CDC42SE2: variants seen among roughly 807,000 people sequenced by gnomAD.
CDC42SE2 encodes CDC42 small effector 2.
In CDC42SE2, 3 loss-of-function variants were observed where a neutral mutation model predicts 11.5. The observed-to-expected ratio is 0.26, with a 90% CI of 0.12 to 0.67. The LOEUF is 0.67. Ranked by LOEUF, CDC42SE2 falls within the 30% of genes least tolerant of loss-of-function variation. The pLI is 0.80. For missense variants in CDC42SE2, 82 were observed against 106.8 expected, an observed-to-expected ratio of 0.77 and a Z score of 1.02; for synonymous variants, 33 against 34.8, an observed-to-expected ratio of 0.95 and a Z score of 0.18.
At chr5:131,311,044 C>G (rs2149724354) in intron 1 of CDC42SE2, among the ~76,000 whole-genome samples, 1 of 151,052 alleles carries the variant, frequency 6.6e-6, no homozygotes, top group Admixed American at 6.6e-5. Flanking sequence ...TCTGGATGGT[C>G]TTTACATTTT....
intron 1 of CDC42SE2, among the ~76,000 whole-genome samples, chr5:131,307,551 G>A (rs1321792181): frequency 6.6e-6 from 1 of 152,138 alleles, no homozygotes; most frequent in East Asian, 1.9e-4. Context: ...CTTTATAGCA[G>A]CATGATTTAT....
chr5:131,364,287 G>C (rs1282998881), intron 3 of CDC42SE2, among the ~76,000 whole-genome samples: 1 of 151,994 alleles, frequency 6.6e-6, no homozygotes, highest in African/African-American at 2.4e-5. Flanking sequence ...AGGCCTCTCA[G>C]ATTAAGTGCT....
intron 1 of CDC42SE2, among the ~76,000 whole-genome samples, chr5:131,268,054 C>CTTTTTTTTTTTTTT (rs148354795): frequency 3.1e-5 from 2 of 65,476 alleles, no homozygotes; most frequent in Non-Finnish European, 2.8e-5. Context: ...CATGCTTATT[C>CTTTTTTTTTTTTTT]TTTTTTTTTT....
chr5:131,225,158 G>A, the CDC42SE2 span, among the ~76,000 whole-genome samples: 2 of 152,138 alleles, frequency 1.3e-5, no homozygotes, highest in South Asian at 4.1e-4. Flanking sequence ...CAAAGCAAAG[G>A]AACATTACAC....
intron 1 of CDC42SE2, among the ~76,000 whole-genome samples, chr5:131,269,952 T>C (rs1208051408): frequency 6.6e-6 from 1 of 151,624 alleles, no homozygotes; most frequent in Non-Finnish European, 1.5e-5. Context: ...TCCCAGCCAC[T>C]TGGGAGTCTG....
Position 131,391,164 on chromosome 5 carries a change from A to G in CDC42SE2, c.*73A>G. 1.2e-6 allele frequency: 1 copy of G among 829,546 alleles called. No homozygotes were observed. The highest frequency in any genetic ancestry group is 1.9e-6 in the Non-Finnish European group (1 of 532,562). The allele number at this position is 829,546 out of a possible 1,614,324, so 51.4% of individuals were successfully genotyped here. On this transcript the variant is annotated 3_prime_UTR_variant, in exon 5 of 5. Coordinates refer to ENST00000505065, the MANE Select transcript of CDC42SE2 (RefSeq NM_001375635.1). The stretch of plus-strand genomic sequence containing the variant: ...ACGGCCAGACATGGCCAGGCCAATA[A>G]TAGTAAATATATGTATATATATATA...
intron 4 of CDC42SE2, among the ~76,000 whole-genome samples, chr5:131,389,114 C>G (rs1022147898): frequency 6.6e-6 from 1 of 152,116 alleles, no homozygotes; most frequent in African/African-American, 2.4e-5. Context: ...GGGATTACAG[C>G]TGTGAGCCAC....
the CDC42SE2 span, among the ~76,000 whole-genome samples, chr5:131,228,015 T>C: frequency 6.6e-6 from 1 of 152,218 alleles, no homozygotes; most frequent in East Asian, 1.9e-4. Context: ...CCATGGTTAG[T>C]AGAGACCTTG....
intron 3 of CDC42SE2, among the ~76,000 whole-genome samples, chr5:131,370,216 T>C (rs1749977973): frequency 6.6e-6 from 1 of 152,072 alleles, no homozygotes; most frequent in African/African-American, 2.4e-5. Flanking sequence ...TTATTATTGT[T>C]GTTATGACAA....
intron 2 of CDC42SE2, among the ~76,000 whole-genome samples, chr5:131,337,940 G>C (rs1281179588): frequency 1.3e-5 from 2 of 152,214 alleles, no homozygotes; most frequent in African/African-American, 2.4e-5. Context: ...GCCTCGCCCT[G>C]CTTCCGCTCA....
intron 1 of CDC42SE2, among the ~76,000 whole-genome samples, chr5:131,289,703 G>A (rs1757412174): frequency 6.6e-6 from 1 of 151,998 alleles, no homozygotes; most frequent in Non-Finnish European, 1.5e-5. Flanking sequence ...GTAGCATAAG[G>A]CATCATTTCT....
the CDC42SE2 span, among the ~76,000 whole-genome samples, chr5:131,223,002 A>C: frequency 6.6e-6 from 1 of 152,232 alleles, no homozygotes; most frequent in Non-Finnish European, 1.5e-5. Context: ...TAATGTAATT[A>C]AATCATTGGC....
intron 3 of CDC42SE2, among the ~76,000 whole-genome samples, chr5:131,361,088 T>G (rs1488637463): frequency 6.7e-6 from 1 of 150,322 alleles, no homozygotes; most frequent in African/African-American, 2.4e-5. Flanking sequence ...TTTTTTTGGA[T>G]TGCATTGAAT....
At chr5:131,378,059 C>T (rs1395249932) in intron 3 of CDC42SE2, among the ~76,000 whole-genome samples, 1 of 152,110 alleles carries the variant, frequency 6.6e-6, no homozygotes, top group Non-Finnish European at 1.5e-5. Flanking sequence ...AAGTAAGTTA[C>T]AATACAATGT....
At chr5:131,253,891 T>A (rs1034668627) in intron 1 of CDC42SE2, among the ~76,000 whole-genome samples, 2 of 152,276 alleles carry the variant, frequency 1.3e-5, no homozygotes, top group African/African-American at 4.8e-5. Context: ...GAATCTCTCA[T>A]AGTCACTTTC....
chr5:131,349,393 G>T (rs1025241603), intron 2 of CDC42SE2, among the ~76,000 whole-genome samples: 7 of 152,086 alleles, frequency 4.6e-5, no homozygotes, highest in African/African-American at 1.7e-4. Context: ...TAATGTAAAT[G>T]ATGAGTTAAC....
upstream of CDC42SE2, among the ~76,000 whole-genome samples, chr5:131,261,050 TGTTATATGAGCTCAA>T (rs1384727467): frequency 2.6e-5 from 4 of 152,268 alleles, no homozygotes; most frequent in African/African-American, 9.6e-5. Flanking sequence ...CCAATGTGGC[TGTTATATGAGCTCAA>T]GGCTATTTAG....
chr5:131,377,538 T>C (rs899181669), intron 3 of CDC42SE2, among the ~76,000 whole-genome samples: 1 of 152,186 alleles, frequency 6.6e-6, no homozygotes, highest in Non-Finnish European at 1.5e-5. Context: ...CATTAAGCCA[T>C]CAATATCACT....
chr5:131,210,080 C>T, the CDC42SE2 span, among the ~76,000 whole-genome samples: 3 of 152,170 alleles, frequency 2.0e-5, no homozygotes, highest in Non-Finnish European at 4.4e-5. Context: ...CTGTGATAAG[C>T]CGGCTCCCTC....
Sources: allele counts gnomAD v4.1 joint callset (sites outside exome capture counted in the v4.1 genomes callset), GRCh38; gene constraint gnomAD v4.1.1; transcripts MANE v1.5; gene names NCBI Gene and HGNC (gene_info 2026-07-23, HGNC 2026-07-21).